Variants in CTDP1 observed in about 807,000 individuals in gnomAD.
The protein encoded by CTDP1 is RNA polymerase II subunit A C-terminal domain phosphatase.
CTDP1 carries 47 observed loss-of-function variants against 91.8 expected under a neutral mutation model. That is an observed-to-expected ratio of 0.51 (90% CI 0.41 to 0.65). CTDP1 has a LOEUF of 0.65. Among genes scored for constraint, CTDP1 ranks in the 30% least tolerant of loss-of-function variants. The pLI, the probability that CTDP1 is intolerant of heterozygous loss-of-function variation, is 0.00. For synonymous variants in CTDP1, 656 were observed against 598.5 expected, an observed-to-expected ratio of 1.10 and a Z score of -1.40; for missense variants, 1,272 against 1,373.7, an observed-to-expected ratio of 0.93 and a Z score of 1.17.
In CTDP1 at chr18:79,714,569, G is replaced by T. The variant is rs778960284; in HGVS notation, c.1109G>T (p.Gly370Val). 3 of 1,613,024 alleles carry T rather than the reference G, an allele frequency of 1.9e-6. No homozygotes were observed. The highest frequency in any genetic ancestry group is 1.7e-5 in the Admixed American group (1 of 60,010). Residue 370 changes from glycine to valine, a missense_variant, in exon 8 of 13, where the codon GGA (glycine) becomes GTA (valine). By Grantham distance (109) the Gly-to-Val change is moderately radical. Coordinates refer to ENST00000613122, the MANE Select transcript of CTDP1 (RefSeq NM_004715.5). ...CCTGAGGGGGTAACGCAGGCCCCTG[G>T]AGTGGAGCCCAGCAATGGCCTGGAG... ...RDPEGVTQAPGVEPSNGLEKP... is the reference protein window; with the variant it reads ...RDPEGVTQAPVVEPSNGLEKP...
intron 4 of CTDP1, among the ~76,000 whole-genome samples, chr18:79,698,897 A>C (rs2085801077): frequency 6.6e-6 from 1 of 152,194 alleles, no homozygotes; most frequent in Non-Finnish European, 1.5e-5. Flanking sequence ...GGACAGATTG[A>C]TGACAGTTAC....
In CTDP1 at chr18:79,754,191, G is replaced by T. The variant is rs545672056; in HGVS notation, c.*401G>T. 28 of 301,160 alleles carry T rather than the reference G, an allele frequency of 9.3e-5. No homozygotes were observed. The highest frequency in any genetic ancestry group is 7.9e-4 in the South Asian group (26 of 32,962). The allele number at this position is 301,160 out of a possible 1,614,324, so 18.7% of individuals were successfully genotyped here. On this transcript the variant is annotated 3_prime_UTR_variant, in exon 13 of 13. Transcript: ENST00000613122. ...GGAGTTTAAGCAGGACAGTGTGCGT[G>T]CACGAGCTCCGAGCCCAGCACAGAC...
chr18:79,742,492 A>G (rs1263950012), intron 12 of CTDP1, among the ~76,000 whole-genome samples: 1 of 152,266 alleles, frequency 6.6e-6, no homozygotes, highest in African/African-American at 2.4e-5. Context: ...GCACCTTACA[A>G]GAAGTTCTAA....
Position 79,680,021 on chromosome 18 carries a change from CG to C in CTDP1, c.78del (p.Ala28ArgfsTer41). The C allele has an allele frequency of 2.4e-6, 3 of 1,271,090 alleles. No individual in the cohort carries two copies. Among genetic ancestry groups the C allele is most frequent in the Non-Finnish European group, 3.0e-6 (3 of 1,012,610 alleles). The allele number at this position is 1,271,090 out of a possible 1,614,324, so 78.7% of individuals were successfully genotyped here. Reference protein sequence around the residue: ...PTAAVAEVRCPGPAPLRLLEW... With the variant: ...PTAAVAEVRCXGPAPLRLLEW... The stretch of plus-strand genomic sequence containing the variant: ...GCGGCTGTGGCCGAGGTGCGCTGCC[CG>C]GGGCCCGCGCCGCTGCGCCTGCTGG... On this transcript the variant is annotated frameshift_variant, in exon 1 of 13. Coordinates refer to ENST00000613122, the MANE Select transcript of CTDP1 (RefSeq NM_004715.5). LOFTEE classifies it high-confidence loss of function.
At chr18:79,722,223 A>T (rs569958840) in intron 10 of CTDP1, among the ~76,000 whole-genome samples, 78 of 152,350 alleles carry the variant, frequency 5.1e-4, no homozygotes, top group African/African-American at 1.7e-3. Flanking sequence ...AATGAAGTCA[A>T]ACACTTTTAC....
intron 1 of CTDP1, among the ~76,000 whole-genome samples, chr18:79,693,764 C>A (rs2085673770): frequency 6.6e-6 from 1 of 152,144 alleles, no homozygotes; most frequent in South Asian, 2.1e-4. Flanking sequence ...TCCTCCTCCC[C>A]AGGAAGAACT....
intron 12 of CTDP1, among the ~76,000 whole-genome samples, chr18:79,745,367 C>G (rs1172408039): frequency 1.0e-4 from 6 of 59,292 alleles, no homozygotes; most frequent in East Asian, 6.9e-4. Context: ...CGTGCGCGTT[C>G]TGTGCCCGCG....
In CTDP1 at chr18:79,679,902, CGCA is replaced by C. The variant is rs2085319494; in HGVS notation, c.-43_-41del. The C allele has an allele frequency of 7.4e-7, 1 of 1,346,146 alleles. No homozygotes were observed. The highest frequency in any genetic ancestry group is 1.6e-5 in the African/African-American group (1 of 63,666). The allele number at this position is 1,346,146 out of a possible 1,614,324, so 83.4% of individuals were successfully genotyped here. ...GCCGCGGTAGGCGCTGCGCTCTGAG[CGCA>C]GCGCAGGCCCCGTACCGACCGCCCG... On this transcript the variant is annotated 5_prime_UTR_variant, in exon 1 of 13. Transcript: ENST00000613122.
chr18:79,726,939 GGGGTAT>G (rs1225582946), intron 10 of CTDP1, among the ~76,000 whole-genome samples: 4 of 150,876 alleles, frequency 2.7e-5, no homozygotes, highest in Non-Finnish European at 5.9e-5. Flanking sequence ...GGACGTCTGT[GGGGTAT>G]GGGGTTGATG....
intron 10 of CTDP1, among the ~76,000 whole-genome samples, chr18:79,719,112 C>A (rs72999412): frequency 0.12 from 18,074 of 152,272 alleles, 1,490 homozygotes; most frequent in Non-Finnish European, 0.19. Context: ...CCAGGCACCG[C>A]GGCAAAGCCC....
At chr18:79,737,354 C>T (rs895676370) in intron 12 of CTDP1, among the ~76,000 whole-genome samples, 6 of 152,158 alleles carry the variant, frequency 3.9e-5, no homozygotes, top group Non-Finnish European at 8.8e-5. Flanking sequence ...TGTGTCTTTT[C>T]CTTGGATGCG....
intron 1 of CTDP1, among the ~76,000 whole-genome samples, chr18:79,686,675 G>C (rs2085500588): frequency 6.6e-6 from 1 of 152,280 alleles, no homozygotes; most frequent in African/African-American, 2.4e-5. Flanking sequence ...GGTGAAGAAT[G>C]CTGGTGTCGT....
chr18:79,737,838 A>G (rs1332275299), intron 12 of CTDP1, among the ~76,000 whole-genome samples: 2 of 152,136 alleles, frequency 1.3e-5, no homozygotes, highest in Admixed American at 1.3e-4. Flanking sequence ...AGTGTTTCCT[A>G]TGACCGTAAA....
intron 11 of CTDP1, among the ~76,000 whole-genome samples, chr18:79,730,351 C>G (rs1267175499): frequency 6.6e-6 from 1 of 152,322 alleles, no homozygotes; most frequent in East Asian, 1.9e-4. Context: ...CTCTTCCTGC[C>G]TGGAAGCTGC....
chr18:79,742,407 C>A (rs1428048617), intron 12 of CTDP1, among the ~76,000 whole-genome samples: 2 of 152,296 alleles, frequency 1.3e-5, no homozygotes, highest in East Asian at 1.9e-4. Context: ...CACCCAGGCC[C>A]CTGTATCCAG....
intron 12 of CTDP1, among the ~76,000 whole-genome samples, chr18:79,738,696 A>G (rs2086716402): frequency 6.6e-6 from 1 of 152,256 alleles, no homozygotes; most frequent in Admixed American, 6.5e-5. Flanking sequence ...CAACAGATGC[A>G]GACAAGACAA....
Position 79,736,503 on chromosome 18 carries a change from C to T in CTDP1, c.2729C>T (p.Ala910Val), listed in dbSNP as rs2086670259. 3.2e-6 allele frequency: 5 copies of T among 1,545,534 alleles called. No homozygotes were observed. Among genetic ancestry groups the T allele is most frequent in the Non-Finnish European group, 4.4e-6 (5 of 1,144,768 alleles). The change falls in exon 12 of 13, where the codon GCA becomes GTA. Residue 910 changes from alanine to valine, a missense_variant. Physicochemically the swap from Ala to Val is moderately conservative, Grantham distance 64. This residue lies in a region of CTDP1 where 881 missense variants were observed against 911.6 expected (regional missense o/e 0.97). Transcript: ENST00000613122. ...GAPASSERSAAGGRGPRGHKR... is the reference protein window; with the variant it reads ...GAPASSERSAVGGRGPRGHKR... ...CCTGCGTCCAGCGAGAGGAGCGCGG[C>T]AGGGGGCCGGGGGCCCAGGTGAGTG...
chr18:79,732,517 T>C (rs111992089), intron 11 of CTDP1, among the ~76,000 whole-genome samples: 138 of 67,920 alleles, frequency 2.0e-3, no homozygotes, highest in African/African-American at 6.6e-3. Context: ...CAAAATCACG[T>C]GAGACATGAG....
intron 10 of CTDP1, among the ~76,000 whole-genome samples, chr18:79,728,568 C>T (rs1035137798): frequency 6.6e-6 from 1 of 152,178 alleles, no homozygotes; most frequent in Non-Finnish European, 1.5e-5. Context: ...GTTCCCAGAA[C>T]ACGCTTCATC....
Sources: allele counts gnomAD v4.1 joint callset (sites outside exome capture counted in the v4.1 genomes callset), GRCh38; gene constraint gnomAD v4.1.1; regional missense constraint gnomAD v4.1.1; transcripts MANE v1.5; gene names NCBI Gene and HGNC (gene_info 2026-07-23, HGNC 2026-07-21).